The following SAAL1 variants were observed in gnomAD, a reference collection of about 807,000 sequenced individuals.
The protein encoded by SAAL1 is protein SAAL1.
Under a neutral mutation model 59.8 loss-of-function variants are expected in SAAL1, and 42 were observed. The observed-to-expected ratio is 0.70, with a 90% CI of 0.55 to 0.91. The LOEUF (loss-of-function observed/expected upper bound fraction) is 0.91. Ranked by LOEUF, SAAL1 falls within the 40% of genes least tolerant of loss-of-function variation. SAAL1 has a pLI of 0.00. For missense variants in SAAL1, 542 were observed against 561.1 expected (o/e 0.97, Z 0.34); for synonymous variants, 191 against 194.3 (o/e 0.98, Z 0.14).
At chr11:18,102,890 A>G (rs1339976009) in intron 2 of SAAL1, among the ~76,000 whole-genome samples, 3 of 152,188 alleles carry the variant, frequency 2.0e-5, no homozygotes, top group African/African-American at 7.2e-5. Context: ...TTATCATGGT[A>G]TATCAGTGGT....
rs768922456 is a variant in SAAL1 at position 18,087,180 on chromosome 11, T to C, written c.816A>G (p.Gln272=). The C allele has an allele frequency of 1.2e-6, 2 of 1,613,612 alleles. No homozygotes were observed. Among genetic ancestry groups the C allele is most frequent in the East Asian group, 2.2e-5 (1 of 44,864 alleles). The change falls in exon 8 of 12, where the codon CAA becomes CAG. Residue 272 remains glutamine, a synonymous_variant. Transcript: ENST00000524803. Reference sequence around the variant, plus strand: ...TTCCATCATCCACTGTAGTAAGCAGTTGTAAAATGTGCATGTAAACATCAA... The same window carrying C: ...TTCCATCATCCACTGTAGTAAGCAGCTGTAAAATGTGCATGTAAACATCAA... The part of the protein sequence containing the change: ...EWLDVYMHIL[Q]LLTTVDDGIQ...
At chr11:18,105,214 G>A (rs755857804) in intron 1 of SAAL1, among the ~76,000 whole-genome samples, 6 of 152,010 alleles carry the variant, frequency 3.9e-5, no homozygotes, top group Non-Finnish European at 7.4e-5. Context: ...CCGTCCCCCA[G>A]CCTGGAGTGC....
chr11:18,095,666 T>C (rs1204838848), intron 3 of SAAL1, among the ~76,000 whole-genome samples: 2 of 152,206 alleles, frequency 1.3e-5, no homozygotes, highest in African/African-American at 4.8e-5. Context: ...CAGTTTTTCA[T>C]AATTATAATT....
intron 1 of SAAL1, among the ~76,000 whole-genome samples, chr11:18,104,078 T>A (rs1048371185): frequency 6.6e-6 from 1 of 152,216 alleles, no homozygotes. Context: ...TTAGAAGTGT[T>A]TTAGGTCCTC....
At chr11:18,103,804 T>C (rs1848660731) in intron 1 of SAAL1, among the ~76,000 whole-genome samples, 1 of 152,222 alleles carries the variant, frequency 6.6e-6, no homozygotes, top group Non-Finnish European at 1.5e-5. Context: ...TAGAGATGCG[T>C]GACAATAATT....
intron 1 of SAAL1, among the ~76,000 whole-genome samples, chr11:18,103,756 T>C (rs1208308012): frequency 6.6e-6 from 1 of 152,134 alleles, no homozygotes; most frequent in African/African-American, 2.4e-5. Flanking sequence ...GAATACAAAT[T>C]ATTATAAAAC....
At chr11:18,091,169 GT>G (rs1260853814) in intron 4 of SAAL1, among the ~76,000 whole-genome samples, 1 of 152,124 alleles carries the variant, frequency 6.6e-6, no homozygotes, top group Non-Finnish European at 1.5e-5. Context: ...TGATGCACAC[GT>G]GCACAGTTTC....
rs1432314803 is a variant in SAAL1, at chr11:18,087,125, C to A, written c.853+18G>T. On this transcript the variant is annotated intron_variant, in intron 8 of 11. Coordinates refer to ENST00000524803, the MANE Select transcript of SAAL1 (RefSeq NM_138421.3). ...AATTAAATGAGTAACTGTAGTGCAT[C>A]CCGATAAACCACCTTACCAATTGCT... 2 of 1,605,918 alleles carry A rather than the reference C, an allele frequency of 1.2e-6. No individual in the cohort carries two copies. The highest frequency in any genetic ancestry group is 3.3e-5 in the Admixed American group (2 of 59,972).
At chr11:18,091,562 C>A (rs1350862436) in intron 4 of SAAL1, among the ~76,000 whole-genome samples, 1 of 152,284 alleles carries the variant, frequency 6.6e-6, no homozygotes, top group East Asian at 1.9e-4. Flanking sequence ...CTGACAAAAA[C>A]TGCCTAGAAC....
chr11:18,086,106 T>C (rs1387201571), intron 9 of SAAL1, among the ~76,000 whole-genome samples: 1 of 152,222 alleles, frequency 6.6e-6, no homozygotes, highest in Non-Finnish European at 1.5e-5. Flanking sequence ...TCCTTGATAT[T>C]TTTTATAAAT....
At chr11:18,080,933 C>T (rs1848403072) in intron 11 of SAAL1, among the ~76,000 whole-genome samples, 1 of 152,128 alleles carries the variant, frequency 6.6e-6, no homozygotes, top group Admixed American at 6.6e-5. Context: ...TTTTTTTCCT[C>T]TTAGAATTGT....
intron 1 of SAAL1, among the ~76,000 whole-genome samples, chr11:18,105,322 T>A (rs1848677073): frequency 6.8e-6 from 1 of 147,954 alleles, no homozygotes; most frequent in African/African-American, 2.5e-5. Context: ...GCGTGCACCG[T>A]CACGACCGGC....
At chr11:18,098,093 G>T (rs565452302) in intron 2 of SAAL1, among the ~76,000 whole-genome samples, 1 of 152,320 alleles carries the variant, frequency 6.6e-6, no homozygotes, top group Non-Finnish European at 1.5e-5. Flanking sequence ...GGTGCAGTGA[G>T]CTGAGATCTC....
chr11:18,081,387 C>G, intron 11 of SAAL1, 24 bp downstream of exon 11: 1 of 1,552,746 alleles, frequency 6.4e-7, no homozygotes, highest in Non-Finnish European at 8.8e-7. Flanking sequence ...ACTTGGCCAC[C>G]TATATACATT....
chr11:18,082,240 T>C (rs1848418629), intron 10 of SAAL1, among the ~76,000 whole-genome samples: 2 of 152,130 alleles, frequency 1.3e-5, no homozygotes. Context: ...AAAAGATACA[T>C]TATTACCCAA....
At chr11:18,100,114 C>T (rs1848619680) in intron 2 of SAAL1, among the ~76,000 whole-genome samples, 1 of 152,076 alleles carries the variant, frequency 6.6e-6, no homozygotes, top group Non-Finnish European at 1.5e-5. Flanking sequence ...GGTTTTATTT[C>T]TTTTTAAAAA....
intron 2 of SAAL1, among the ~76,000 whole-genome samples, chr11:18,097,115 T>C (rs931756404): frequency 8.5e-5 from 13 of 152,098 alleles, no homozygotes; most frequent in African/African-American, 3.1e-4. Context: ...CATGCACCTG[T>C]AGTCCCAGCT....
chr11:18,105,664 C>A (rs1354329434), intron 1 of SAAL1, among the ~76,000 whole-genome samples: 1 of 152,164 alleles, frequency 6.6e-6, no homozygotes, highest in Non-Finnish European at 1.5e-5. Context: ...CAAAATAGAA[C>A]GGCAAGTATT....
intron 4 of SAAL1, among the ~76,000 whole-genome samples, 185 bp downstream of exon 4, chr11:18,092,060 G>C (rs1192831554): frequency 6.6e-6 from 1 of 152,088 alleles, no homozygotes; most frequent in Non-Finnish European, 1.5e-5. Flanking sequence ...CTTAAATCCT[G>C]AATCATTTCA....
Sources: gnomAD v4.1 joint callset for allele counts (sites outside exome capture counted in the v4.1 genomes callset) on GRCh38, gnomAD v4.1.1 for gene constraint, MANE v1.5 for transcripts, NCBI Gene and HGNC (gene_info 2026-07-23, HGNC 2026-07-21) for gene names.